NRG1: variants seen among roughly 807,000 people sequenced by gnomAD.
The protein encoded by NRG1 is neuregulin 1.
Under a neutral mutation model 63.8 loss-of-function variants are expected in NRG1, and 18 were observed. The observed-to-expected ratio is 0.28, with a 90% CI of 0.19 to 0.42. NRG1 has a LOEUF of 0.42. Ranked by LOEUF, NRG1 falls within the 10% of genes least tolerant of loss-of-function variation. NRG1 has a pLI of 1.00. For missense variants in NRG1, 762 were observed against 814.7 expected (o/e 0.94, Z 0.79); for synonymous variants, 302 against 301.3 (o/e 1.00, Z -0.02).
At chr8:31,868,654 G>A (rs1829207348) in intron 1 of NRG1, among the ~76,000 whole-genome samples, 1 of 152,174 alleles carries the variant, frequency 6.6e-6, no homozygotes, top group African/African-American at 2.4e-5. Flanking sequence ...CCATTTTGAA[G>A]CCATCACTCT....
chr8:32,366,677 GTATATATATATATATA>G (rs71208175), intron 1 of NRG1, among the ~76,000 whole-genome samples: 11,722 of 87,510 alleles, frequency 0.13, 921 homozygotes, highest in East Asian at 0.18. Context: ...GTGTGTGTGT[GTATATATATATATATA>G]TATATATATA....
intron 1 of NRG1, among the ~76,000 whole-genome samples, chr8:32,111,181 C>T (rs1831977264): frequency 6.6e-6 from 1 of 151,964 alleles, no homozygotes; most frequent in Non-Finnish European, 1.5e-5. Flanking sequence ...CCGCGGTGTG[C>T]TCTTGGCTCA....
At chr8:32,355,279 T>G (rs1806219153) in intron 1 of NRG1, among the ~76,000 whole-genome samples, 1 of 152,006 alleles carries the variant, frequency 6.6e-6, no homozygotes, top group African/African-American at 2.4e-5. Context: ...GGCAACGTGA[T>G]GAAACCCCAT....
intron 3 of NRG1, among the ~76,000 whole-genome samples, chr8:32,607,576 T>G (rs1282268511): frequency 2.0e-5 from 3 of 152,190 alleles, no homozygotes; most frequent in African/African-American, 4.8e-5. Flanking sequence ...ACCCATAGAA[T>G]TCCTTTTTTA....
At chr8:32,222,378 C>T (rs935063960) in intron 1 of NRG1, among the ~76,000 whole-genome samples, 2 of 151,946 alleles carry the variant, frequency 1.3e-5, no homozygotes, top group African/African-American at 4.8e-5. Flanking sequence ...TTATTGTAAA[C>T]AATTGGAATT....
intron 1 of NRG1, chr8:32,220,852 C>T (rs1470633858): frequency 6.6e-6 from 1 of 152,202 alleles, no homozygotes; most frequent in African/African-American, 2.4e-5. Context: ...CTGCGTCCCT[C>T]GGGTAGAGCC....
rs138769970 is a variant in NRG1, at chr8:32,551,377, G to A, written c.100+2551G>A. ...TGCAACTGTCTGTCCTTGATGATATGTATGCAATAGCCAAGCCTCTCTTCA... is the reference window on the plus strand; with the variant it reads ...TGCAACTGTCTGTCCTTGATGATATATATGCAATAGCCAAGCCTCTCTTCA... On this transcript the variant is annotated intron_variant, in intron 1 of 11. Transcript: ENST00000356819. 1.0e-2 allele frequency among the ~76,000 whole-genome samples: 1,515 copies of A among 152,260 alleles called. 25 individuals are homozygous for A. The highest frequency in any genetic ancestry group is 0.035 in the African/African-American group (1,434 of 41,530).
intron 1 of NRG1, among the ~76,000 whole-genome samples, chr8:32,071,818 G>T (rs1825795034): frequency 6.6e-6 from 1 of 152,154 alleles, no homozygotes; most frequent in African/African-American, 2.4e-5. Flanking sequence ...TACAAGCTAT[G>T]TATTTAAACT....
At chr8:32,182,496 C>T (rs1187743436) in intron 1 of NRG1, among the ~76,000 whole-genome samples, 1 of 152,208 alleles carries the variant, frequency 6.6e-6, no homozygotes, top group Non-Finnish European at 1.5e-5. Flanking sequence ...ATATGCCTGC[C>T]TCAGCCTCCC....
At chr8:31,829,506 T>G (rs985224576) in intron 1 of NRG1, among the ~76,000 whole-genome samples, 1 of 152,230 alleles carries the variant, frequency 6.6e-6, no homozygotes, top group African/African-American at 2.4e-5. Flanking sequence ...GGTAAAATTT[T>G]GAATGTTTAT....
chr8:32,017,091 G>A (rs1419317632), intron 1 of NRG1, among the ~76,000 whole-genome samples: 2 of 152,194 alleles, frequency 1.3e-5, no homozygotes, highest in Admixed American at 6.5e-5. Context: ...TACTATTTAT[G>A]ACTAGCTTCT....
intron 1 of NRG1, among the ~76,000 whole-genome samples, chr8:32,588,457 A>T (rs576051546): frequency 6.6e-6 from 1 of 152,226 alleles, no homozygotes; most frequent in Non-Finnish European, 1.5e-5. Flanking sequence ...AAAGGAAACC[A>T]ATATGTTTGG....
chr8:32,045,599 G>C (rs898608118), intron 1 of NRG1, among the ~76,000 whole-genome samples: 1 of 151,848 alleles, frequency 6.6e-6, no homozygotes, highest in Admixed American at 6.6e-5. Flanking sequence ...TCAAGAGTCT[G>C]GTATCAGAGA....
intron 3 of NRG1, among the ~76,000 whole-genome samples, chr8:32,609,376 C>T (rs1845895398): frequency 6.6e-6 from 1 of 152,064 alleles, no homozygotes; most frequent in Non-Finnish European, 1.5e-5. Flanking sequence ...TGTCTCATTC[C>T]TGTCTCCCTA....
intron 1 of NRG1, among the ~76,000 whole-genome samples, chr8:31,938,186 G>GTAC (rs1434813615): frequency 6.6e-6 from 1 of 152,104 alleles, no homozygotes; most frequent in Non-Finnish European, 1.5e-5. Context: ...ACCAGAGTAG[G>GTAC]TACTAGTATG....
In NRG1 at chr8:32,214,197, A is replaced by G. The variant is rs559811655; in HGVS notation, c.38-381631A>G. On this transcript the variant is annotated intron_variant, in intron 1 of 10. Coordinates refer to the NRG1 transcript ENST00000519301. ...AGGGGCAGGGCAGAGAGCTTTTCTT[A>G]TAGCTGTTTTCTCTCAAAATTCTGT... is the stretch of plus-strand genomic sequence containing the variant. Among the ~76,000 whole-genome samples, 26 of 152,236 alleles carry G rather than the reference A, an allele frequency of 1.7e-4. No individual in the cohort carries two copies. In the East Asian group the frequency reaches 4.7e-3, roughly 27 times the overall value.
intron 1 of NRG1, among the ~76,000 whole-genome samples, chr8:31,931,290 A>G (rs1454545195): frequency 2.6e-5 from 4 of 152,110 alleles, no homozygotes; most frequent in Non-Finnish European, 4.4e-5. Flanking sequence ...CCCAAAATAA[A>G]TAAATAAATA....
At chr8:32,069,048 T>C (rs1203262301) in intron 1 of NRG1, among the ~76,000 whole-genome samples, 1 of 152,026 alleles carries the variant, frequency 6.6e-6, no homozygotes, top group Non-Finnish European at 1.5e-5. Flanking sequence ...TCCAGCTTGA[T>C]AGATGGGAAG....
At chr8:32,369,913 C>A (rs1391692500) in intron 1 of NRG1, among the ~76,000 whole-genome samples, 3 of 151,960 alleles carry the variant, frequency 2.0e-5, no homozygotes, top group Non-Finnish European at 4.4e-5. Context: ...TGCACTTGAG[C>A]AGAAACAAAG....
Sources: allele counts gnomAD v4.1 joint callset (sites outside exome capture counted in the v4.1 genomes callset), GRCh38; gene constraint gnomAD v4.1.1; transcripts MANE v1.5; gene names NCBI Gene and HGNC (gene_info 2026-07-23, HGNC 2026-07-21).